CBX5: variants seen among roughly 807,000 people sequenced by gnomAD.
CBX5 encodes chromobox protein homolog 5.
In CBX5, 7 loss-of-function variants were observed where a neutral mutation model predicts 20.7. The ratio of observed to expected loss-of-function variants is 0.34; its 90% CI spans 0.19 to 0.63. CBX5 has a LOEUF of 0.63. CBX5 is among the 30% of genes least tolerant of loss of function. The pLI is 0.75. For synonymous variants in CBX5, 78 were observed against 77.0 expected, an observed-to-expected ratio of 1.01 and a Z score of -0.07; for missense variants, 110 against 224.1, an observed-to-expected ratio of 0.49 and a Z score of 3.25.
chr12:54,280,073 A>G lies in CBX5; in HGVS notation c.-108T>C, dbSNP rs1034568690. On this transcript the variant is annotated 5_prime_UTR_variant, in exon 1 of 5. Transcript: ENST00000209875. Reference sequence around the variant, plus strand: ...TTCCTGTATGGTGAGGCCGCACCACAAGCCACCACCGCCGCCGCCTTCTGC... The same window carrying G: ...TTCCTGTATGGTGAGGCCGCACCACGAGCCACCACCGCCGCCGCCTTCTGC... 1.2e-4 allele frequency: 19 copies of G among 159,918 alleles called. 1 individual carries two copies. Among genetic ancestry groups the G allele is most frequent in the Admixed American group, 9.1e-4 (15 of 16,486 alleles). 9.9% of individuals were successfully genotyped at this position (159,918 alleles called of 1,614,324 possible).
rs1943605758 is a variant in CBX5, at chr12:54,235,106, G to C, written c.*6649C>G. 1 of 152,136 alleles carries C rather than the reference G, an allele frequency of 6.6e-6. No homozygotes were observed. Among genetic ancestry groups the C allele is most frequent in the Non-Finnish European group, 1.5e-5 (1 of 68,028 alleles). The allele number at this position is 152,136 out of a possible 1,614,324, so 9.4% of individuals were successfully genotyped here. A position where few individuals can be genotyped will look rare whatever the true frequency, so the allele number is the denominator to read the frequency against. ...AGTTACTCTAATTCCTGGGAATTCTGACTTCCAAAGTTAGTCAACTCTCAA... is the reference window on the plus strand; with the variant it reads ...AGTTACTCTAATTCCTGGGAATTCTCACTTCCAAAGTTAGTCAACTCTCAA... On this transcript the variant is annotated 3_prime_UTR_variant, in exon 5 of 5. Coordinates refer to ENST00000209875, the MANE Select transcript of CBX5 (RefSeq NM_012117.3).
intron 1 of CBX5, among the ~76,000 whole-genome samples, chr12:54,270,357 C>T (rs542726334): frequency 2.0e-5 from 3 of 152,238 alleles, no homozygotes; most frequent in South Asian, 2.1e-4. Flanking sequence ...CTCACTGCAG[C>T]CTTGATCTCC....
In CBX5 at chr12:54,236,306, A is replaced by C. The variant is rs1036846263; in HGVS notation, c.*5449T>G. 4 of 151,778 alleles carry C rather than the reference A, an allele frequency of 2.6e-5. No individual in the cohort carries two copies. Among genetic ancestry groups the C allele is most frequent in the Admixed American group, 2.6e-4 (4 of 15,238 alleles). The allele number at this position is 151,778 out of a possible 1,614,324, so 9.4% of individuals were successfully genotyped here. ...AATGGTCAGTTCATCATACACCAGTATGAAAGTTATTTGAGGGCAGGGATG... is the reference window on the plus strand; with the variant it reads ...AATGGTCAGTTCATCATACACCAGTCTGAAAGTTATTTGAGGGCAGGGATG... On this transcript the variant is annotated 3_prime_UTR_variant, in exon 5 of 5. Transcript: ENST00000209875.
chr12:54,268,148 AAAC>A (rs1370070122), intron 1 of CBX5, among the ~76,000 whole-genome samples: 4 of 152,126 alleles, frequency 2.6e-5, no homozygotes, highest in Non-Finnish European at 4.4e-5. Flanking sequence ...CATCTCAAAC[AAAC>A]AACAACAAAA....
At chr12:54,249,169 G>A (rs1441926562) in intron 3 of CBX5, among the ~76,000 whole-genome samples, 1 of 152,168 alleles carries the variant, frequency 6.6e-6, no homozygotes, top group African/African-American at 2.4e-5. Context: ...AGGAGATTGA[G>A]ACCATTCTGG....
Position 54,280,100 on chromosome 12 carries a change from C to A in CBX5, c.-135G>T, listed in dbSNP as rs978351407. ...GCCACCACCGCCGCCGCCTTCTGCG[C>A]AACGCCAACCGCCCGCCAAAACGGA... On this transcript the variant is annotated 5_prime_UTR_variant, in exon 1 of 5. Coordinates refer to ENST00000209875, the MANE Select transcript of CBX5 (RefSeq NM_012117.3). 4 of 159,868 alleles carry A rather than the reference C, an allele frequency of 2.5e-5. No individual in the cohort carries two copies. In the South Asian group the frequency reaches 4.7e-4, roughly 19 times the overall value. 9.9% of individuals were successfully genotyped at this position (159,868 alleles called of 1,614,324 possible).
At chr12:54,253,344 G>A (rs1429045783) in intron 2 of CBX5, among the ~76,000 whole-genome samples, 1 of 152,082 alleles carries the variant, frequency 6.6e-6, no homozygotes, top group Non-Finnish European at 1.5e-5. Flanking sequence ...GAATCTGGGA[G>A]GCTGCGGTTG....
chr12:54,250,454 T>C (rs1943783445), intron 3 of CBX5, among the ~76,000 whole-genome samples: 1 of 151,742 alleles, frequency 6.6e-6, no homozygotes, highest in Non-Finnish European at 1.5e-5. Context: ...ATTATATGAT[T>C]TTCACTGCAA....
At chr12:54,269,688 G>C (rs1379453369) in intron 1 of CBX5, among the ~76,000 whole-genome samples, 1 of 152,114 alleles carries the variant, frequency 6.6e-6, no homozygotes, top group Non-Finnish European at 1.5e-5. Flanking sequence ...TGCTTGGCCT[G>C]GGCCTGGCGT....
intron 1 of CBX5, among the ~76,000 whole-genome samples, chr12:54,269,465 T>C (rs1321132850): frequency 6.6e-6 from 1 of 151,644 alleles, no homozygotes; most frequent in Non-Finnish European, 1.5e-5. Flanking sequence ...CTCAGCTCAC[T>C]GCACCCTCCG....
At chr12:54,279,297 A>C (rs908567476) in intron 1 of CBX5, among the ~76,000 whole-genome samples, 5 of 152,174 alleles carry the variant, frequency 3.3e-5, no homozygotes, top group Non-Finnish European at 7.3e-5. Flanking sequence ...TTTAAAAACA[A>C]ACAAACAAAA....
In CBX5 at chr12:54,237,997, C is replaced by T. The variant is rs981141032; in HGVS notation, c.*3758G>A. The T allele has an allele frequency of 6.6e-6, 1 of 152,146 alleles. No homozygotes were observed. The highest frequency in any genetic ancestry group is 1.5e-5 in the Non-Finnish European group (1 of 68,076). 9.4% of individuals were successfully genotyped at this position (152,146 alleles called of 1,614,324 possible). On this transcript the variant is annotated 3_prime_UTR_variant, in exon 5 of 5. Transcript: ENST00000209875. ...ACAAGGTCAGGAAATCGAGACCATC[C>T]TGGCAAACATGGTAAAACCCCATCT...
chr12:54,267,373 T>C (rs1462081512), intron 1 of CBX5, among the ~76,000 whole-genome samples: 1 of 152,200 alleles, frequency 6.6e-6, no homozygotes, highest in East Asian at 1.9e-4. Flanking sequence ...GCCATAAAAT[T>C]AAGACTCAGT....
At chr12:54,253,681 T>C (rs1943831757) in intron 2 of CBX5, among the ~76,000 whole-genome samples, 2 of 141,446 alleles carry the variant, frequency 1.4e-5, no homozygotes, top group Admixed American at 1.5e-4. Context: ...TGAACCGTGA[T>C]TGCACCACTG....
intron 4 of CBX5, among the ~76,000 whole-genome samples, chr12:54,243,306 C>T (rs1565866846): frequency 6.6e-6 from 1 of 151,776 alleles, no homozygotes; most frequent in South Asian, 2.1e-4. Context: ...CCAGGCACAG[C>T]GCCTCATACC....
Position 54,246,222 on chromosome 12 carries a change from A to G in CBX5, c.325-7T>C. The G allele has an allele frequency of 6.2e-7, 1 of 1,601,400 alleles. No individual in the cohort carries two copies. The highest frequency in any genetic ancestry group is 1.7e-5 in the Admixed American group (1 of 59,956). ...GAGCGATATCATTGCTCTGCTATAAATAGAAGATAAAGAAAGGTTACAGCT... is the reference window on the plus strand; with the variant it reads ...GAGCGATATCATTGCTCTGCTATAAGTAGAAGATAAAGAAAGGTTACAGCT... On this transcript the variant is annotated splice_polypyrimidine_tract_variant and splice_region_variant and intron_variant, in intron 3 of 4. Transcript: ENST00000209875.
At chr12:54,265,399 G>A (rs963260774) in intron 1 of CBX5, among the ~76,000 whole-genome samples, 1 of 152,228 alleles carries the variant, frequency 6.6e-6, no homozygotes, top group African/African-American at 2.4e-5. Flanking sequence ...GTGGATTTAT[G>A]ATTTCCAAAG....
At chr12:54,265,873 C>A (rs915121907) in intron 1 of CBX5, among the ~76,000 whole-genome samples, 1 of 151,822 alleles carries the variant, frequency 6.6e-6, no homozygotes, top group African/African-American at 2.4e-5. Context: ...ATGGTGAAAC[C>A]CCATCTTTAC....
intron 1 of CBX5, among the ~76,000 whole-genome samples, chr12:54,264,409 AC>A (rs1259811486): frequency 6.6e-6 from 1 of 152,014 alleles, no homozygotes; most frequent in East Asian, 1.9e-4. Context: ...CTCCTGCCTT[AC>A]CCCCACAAAG....
Sources: allele counts gnomAD v4.1 joint callset (sites outside exome capture counted in the v4.1 genomes callset), GRCh38; gene constraint gnomAD v4.1.1; transcripts MANE v1.5; gene names NCBI Gene and HGNC (gene_info 2026-07-23, HGNC 2026-07-21).